PTGFRN: variants seen among roughly 807,000 people sequenced by gnomAD.
The protein encoded by PTGFRN is prostaglandin F2 receptor negative regulator.
PTGFRN carries 35 observed loss-of-function variants against 83.2 expected under a neutral mutation model. The observed-to-expected ratio is 0.42, with a 90% CI of 0.32 to 0.56. The LOEUF (loss-of-function observed/expected upper bound fraction) is 0.56, where lower values mean the gene tolerates loss of function less well. Ranked by LOEUF, PTGFRN falls within the 20% of genes least tolerant of loss-of-function variation. PTGFRN has a pLI of 0.11. For missense variants in PTGFRN, 1,051 were observed against 1,179.5 expected (o/e 0.89, Z 1.60); for synonymous variants, 519 against 498.6 (o/e 1.04, Z -0.55).
chr1:116,976,625 G>A (rs978009858), intron 7 of PTGFRN, among the ~76,000 whole-genome samples: 1 of 152,170 alleles, frequency 6.6e-6, no homozygotes, highest in African/African-American at 2.4e-5. Flanking sequence ...GCCAAACTAA[G>A]CTTCAGAAGT....
At position 116,942,025 on chromosome 1, in the gene PTGFRN, A is replaced by G; in HGVS notation, c.360A>G (p.Ser120=). 2 of 1,614,226 alleles carry G rather than the reference A, an allele frequency of 1.2e-6. No individual in the cohort carries two copies. The highest frequency in any genetic ancestry group is 1.1e-5 in the South Asian group (1 of 91,090). Residue 120 remains serine, a synonymous_variant, in exon 2 of 9, where the codon TCA becomes TCG. Transcript: ENST00000393203. ...CAGACCAAGGCCACTACAAATGTTC[A>G]ACCCCCAGCACAGATGCCACTGTCC... ...QPSDQGHYKC[S]TPSTDATVQG...
At chr1:116,971,226 C>T (rs1476081692) in intron 6 of PTGFRN, among the ~76,000 whole-genome samples, 5 of 152,102 alleles carry the variant, frequency 3.3e-5, no homozygotes, top group Non-Finnish European at 5.9e-5. Context: ...CATATTGTCA[C>T]CAATTCTAGG....
intron 7 of PTGFRN, 97 bp downstream of exon 7, chr1:116,974,420 G>A (rs1651087281): frequency 6.3e-6 from 6 of 948,436 alleles, no homozygotes; most frequent in Non-Finnish European, 9.8e-6. Context: ...TTAGGGATAG[G>A]ATTATCTATT....
intron 6 of PTGFRN, among the ~76,000 whole-genome samples, chr1:116,967,834 A>G (rs765843368): frequency 2.2e-4 from 33 of 152,212 alleles, no homozygotes; most frequent in Non-Finnish European, 8.8e-5. Context: ...TCATCAGTTG[A>G]TGGACATTTG....
intron 4 of PTGFRN, among the ~76,000 whole-genome samples, chr1:116,957,151 CTGTGTG>C (rs57827917): frequency 0.025 from 3,735 of 146,888 alleles, 96 homozygotes; most frequent in African/African-American, 0.064. Flanking sequence ...CGCTGGCTCG[CTGTGTG>C]TGTGTGTGTG....
intron 7 of PTGFRN, among the ~76,000 whole-genome samples, chr1:116,980,188 G>A (rs960523169): frequency 2.6e-5 from 4 of 151,898 alleles, no homozygotes; most frequent in African/African-American, 7.3e-5. Context: ...CAGTTAGAAT[G>A]GCAATCATTA....
At chr1:116,955,035 T>G (rs756941765) in intron 4 of PTGFRN, among the ~76,000 whole-genome samples, 2 of 152,220 alleles carry the variant, frequency 1.3e-5, no homozygotes, top group Non-Finnish European at 1.5e-5. Context: ...TAGATCAGTC[T>G]CCTGCACATA....
chr1:116,968,042 CT>C (rs1442700525), intron 6 of PTGFRN, among the ~76,000 whole-genome samples: 1 of 152,164 alleles, frequency 6.6e-6, no homozygotes, highest in African/African-American at 2.4e-5. Context: ...TGTTAAATGA[CT>C]TGCCAAAGTG....
intron 1 of PTGFRN, among the ~76,000 whole-genome samples, chr1:116,913,775 A>G (rs1445707344): frequency 6.6e-6 from 1 of 152,214 alleles, no homozygotes; most frequent in Non-Finnish European, 1.5e-5. Flanking sequence ...ATGGGTAGCC[A>G]TTAAAAGTTT....
At chr1:116,929,466 A>C (rs1649739758) in intron 1 of PTGFRN, among the ~76,000 whole-genome samples, 1 of 152,216 alleles carries the variant, frequency 6.6e-6, no homozygotes, top group African/African-American at 2.4e-5. Context: ...ACCAGAATCC[A>C]GGGCCCCTGC....
intron 1 of PTGFRN, among the ~76,000 whole-genome samples, chr1:116,931,848 C>T (rs200491702): frequency 1.3e-5 from 2 of 152,094 alleles, no homozygotes; most frequent in Admixed American, 6.5e-5. Flanking sequence ...CCATAGGCCC[C>T]GAGTCTCTCC....
At chr1:116,979,953 A>G (rs1651264376) in intron 7 of PTGFRN, among the ~76,000 whole-genome samples, 1 of 152,234 alleles carries the variant, frequency 6.6e-6, no homozygotes, top group Non-Finnish European at 1.5e-5. Context: ...AATGGGAGAA[A>G]ATTTTTGCAG....
Position 116,918,118 on chromosome 1 carries a change from T to C in PTGFRN, c.49+7866T>C, listed in dbSNP as rs1649451845. Among the ~76,000 whole-genome samples, 1 of 152,232 alleles carries C rather than the reference T, an allele frequency of 6.6e-6. No individual in the cohort carries two copies. The highest frequency in any genetic ancestry group is 6.5e-5 in the Admixed American group (1 of 15,288). ...ATTAGCTAAGAAGATTTTAATAGTT[T>C]GTATTACAAATAAACCATTACATGT... On this transcript the variant is annotated intron_variant, in intron 1 of 8. Transcript: ENST00000393203. The surrounding 1 kb of genome is among the most constrained non-coding windows in gnomAD (Gnocchi z 4.1).
Position 116,923,084 on chromosome 1 carries a change from G to T in PTGFRN, c.49+12832G>T, listed in dbSNP as rs986786490. On this transcript the variant is annotated intron_variant, in intron 1 of 8. Transcript: ENST00000393203. This position sits in a 1 kb window ranked among gnomAD's most constrained non-coding sequence, Gnocchi z 4.0. ...GAGAGCACAGCCATCGGTTTGTGAT[G>T]ATCTGTTTATTAGGATGAGCATTTG... 5.3e-5 allele frequency among the ~76,000 whole-genome samples: 8 copies of T among 152,280 alleles called. No individual in the cohort carries two copies. The highest frequency in any genetic ancestry group is 1.7e-4 in the African/African-American group (7 of 41,552).
chr1:116,983,144 AT>A (rs1437249392), intron 7 of PTGFRN, among the ~76,000 whole-genome samples: 1 of 152,122 alleles, frequency 6.6e-6, no homozygotes, highest in East Asian at 1.9e-4. Flanking sequence ...TGTCATTTTC[AT>A]TTTGCAGATG....
At chr1:116,950,892 AC>A (rs1406527199) in intron 4 of PTGFRN, among the ~76,000 whole-genome samples, 3 of 152,204 alleles carry the variant, frequency 2.0e-5, no homozygotes, top group Non-Finnish European at 2.9e-5. Context: ...CAAGAGAGTC[AC>A]TATGAAGTAC....
intron 8 of PTGFRN, 68 bp from the exon 9 acceptor site, chr1:116,986,733 C>T (rs1297118562): frequency 2.3e-5 from 35 of 1,502,586 alleles, no homozygotes; most frequent in Middle Eastern, 1.8e-4. Flanking sequence ...GGAAGGGAGG[C>T]GAGGGTGCCC....
chr1:116,931,878 C>A (rs760985676), intron 1 of PTGFRN, among the ~76,000 whole-genome samples: 2 of 152,090 alleles, frequency 1.3e-5, no homozygotes, highest in African/African-American at 2.4e-5. Flanking sequence ...TGTAAGGACT[C>A]GGGAAGTGGG....
intron 1 of PTGFRN, among the ~76,000 whole-genome samples, chr1:116,914,787 C>G (rs550380030): frequency 1.3e-5 from 2 of 151,940 alleles, no homozygotes; most frequent in South Asian, 2.1e-4. Context: ...TGTCCACCCT[C>G]CTGCCCAGGC....
Sources: allele counts gnomAD v4.1 joint callset (sites outside exome capture counted in the v4.1 genomes callset), GRCh38; gene constraint gnomAD v4.1.1; non-coding constraint Gnocchi (gnomAD v3.1); transcripts MANE v1.5; gene names NCBI Gene and HGNC (gene_info 2026-07-23, HGNC 2026-07-21).